SOCS7: variants seen among roughly 807,000 people sequenced by gnomAD.
The protein encoded by SOCS7 is NAP-4.
SOCS7 carries 18 observed loss-of-function variants against 58.9 expected under a neutral mutation model. The observed-to-expected ratio is 0.31, with a 90% CI of 0.21 to 0.45. The LOEUF is 0.45. Ranked by LOEUF, SOCS7 falls within the 20% of genes least tolerant of loss-of-function variation. The probability of loss-of-function intolerance (pLI) is 1.00; values close to 1 mark genes in which losing one functional copy is unlikely to be tolerated. For missense variants in SOCS7, 667 were observed against 837.3 expected, an observed-to-expected ratio of 0.80 and a Z score of 2.51; for synonymous variants, 388 against 364.3, an observed-to-expected ratio of 1.06 and a Z score of -0.74.
At chr17:38,393,385 C>G (rs776609364) in intron 7 of SOCS7, among the ~76,000 whole-genome samples, 4 of 152,094 alleles carry the variant, frequency 2.6e-5, no homozygotes. Flanking sequence ...GCCTATAATC[C>G]CAGCACTTTG....
intron 9 of SOCS7, among the ~76,000 whole-genome samples, chr17:38,397,975 C>A (rs946292273): frequency 6.6e-6 from 1 of 152,126 alleles, no homozygotes; most frequent in African/African-American, 2.4e-5. Context: ...GCATTCTGGG[C>A]AAGGGGACCT....
At position 38,395,921 on chromosome 17, in the gene SOCS7, G is replaced by C. The variant is rs752372086; in HGVS notation, c.1891G>C (p.Ala631Pro). Residue 631 changes from alanine (A) to proline (P), a missense_variant, in exon 9 of 10, where the codon GCG becomes CCG. By Grantham distance (27) the Ala-to-Pro change is conservative. This residue lies in a region of SOCS7 where 40 missense variants were observed against 45.6 expected (regional missense o/e 0.88). Transcript: ENST00000612932. Reference protein sequence around the residue: ...QEEVYLSLKEAQLISKQKQEV... With the variant: ...QEEVYLSLKEPQLISKQKQEV... Reference sequence around the variant, plus strand: ...AGAGGTATACCTGTCTCTAAAGGAAGCGCAGCTCATTTCCAAACAGAAGCA... The same window carrying C: ...AGAGGTATACCTGTCTCTAAAGGAACCGCAGCTCATTTCCAAACAGAAGCA... The C allele has an allele frequency of 3.1e-6, 5 of 1,611,484 alleles. No homozygotes were observed. The highest frequency in any genetic ancestry group is 4.2e-6 in the Non-Finnish European group (5 of 1,179,456).
At chr17:38,367,791 A>G (rs906262104) in intron 5 of SOCS7, 91 bp from the exon 6 acceptor site, 1 of 1,175,412 alleles carries the variant, frequency 8.5e-7, no homozygotes, top group Non-Finnish European at 1.2e-6. Flanking sequence ...GAGAGAATGC[A>G]GAGGGTTCTC....
intron 1 of SOCS7, 131 bp downstream of exon 1, chr17:38,353,163 G>A: frequency 3.6e-6 from 3 of 841,504 alleles, no homozygotes; most frequent in Non-Finnish European, 5.4e-6. Context: ...TGGGACCAAA[G>A]GTGGTAACAT....
chr17:38,370,979 C>A (rs919991086), intron 6 of SOCS7, among the ~76,000 whole-genome samples: 1 of 152,124 alleles, frequency 6.6e-6, no homozygotes, highest in Non-Finnish European at 1.5e-5. Flanking sequence ...GGAAACCTTG[C>A]GGGCCTTTCC....
At chr17:38,356,697 A>G (rs2037643915) in intron 1 of SOCS7, among the ~76,000 whole-genome samples, 1 of 152,026 alleles carries the variant, frequency 6.6e-6, no homozygotes, top group South Asian at 2.1e-4. Context: ...AGAAAGAAAG[A>G]AAGAAAGAAA....
In SOCS7 at chr17:38,401,516, C is replaced by T. The variant is rs760948356; in HGVS notation, c.*2034C>T. 2 of 152,042 alleles carry T rather than the reference C, an allele frequency of 1.3e-5. No individual in the cohort carries two copies. The highest frequency in any genetic ancestry group is 3.4e-3 in the Middle Eastern group (1 of 294). 9.4% of individuals were successfully genotyped at this position (152,042 alleles called of 1,614,324 possible). ...ATATTATTTTTTAGTGTGTGTGTGC[C>T]TGGCTTTGCGCTAGATATTGTAGAA... On this transcript the variant is annotated 3_prime_UTR_variant, in exon 10 of 10. Coordinates refer to ENST00000612932, the MANE Select transcript of SOCS7 (RefSeq NM_014598.4).
intron 6 of SOCS7, among the ~76,000 whole-genome samples, chr17:38,372,413 C>G (rs942649108): frequency 1.6e-4 from 24 of 152,214 alleles, no homozygotes; most frequent in African/African-American, 5.8e-4. Flanking sequence ...ATAAAATTAA[C>G]TGTTACATAC....
intron 7 of SOCS7, among the ~76,000 whole-genome samples, chr17:38,386,344 A>AG (rs2038067936): frequency 6.6e-6 from 1 of 151,064 alleles, no homozygotes; most frequent in Non-Finnish European, 1.5e-5. Flanking sequence ...AAAAAAAAAA[A>AG]AAAATTAGCC....
At chr17:38,353,130 G>A in intron 1 of SOCS7, 98 bp downstream of exon 1, 2 of 1,165,364 alleles carry the variant, frequency 1.7e-6, no homozygotes, top group Non-Finnish European at 2.4e-6. Flanking sequence ...TTAAGATAGG[G>A]TCTTCAGGAG....
chr17:38,385,006 C>T (rs1303134711), intron 7 of SOCS7, among the ~76,000 whole-genome samples: 1 of 150,500 alleles, frequency 6.6e-6, no homozygotes, highest in African/African-American at 2.5e-5. Context: ...GAGCAATTCT[C>T]CTGCCTCAGC....
chr17:38,383,897 T>C (rs907631561), intron 7 of SOCS7, among the ~76,000 whole-genome samples: 2 of 152,278 alleles, frequency 1.3e-5, no homozygotes, highest in Admixed American at 6.5e-5. Context: ...GATGAGATAT[T>C]AGACATACTC....
chr17:38,356,129 G>A (rs1252115559), intron 1 of SOCS7, among the ~76,000 whole-genome samples: 1 of 151,986 alleles, frequency 6.6e-6, no homozygotes, highest in East Asian at 1.9e-4. Context: ...GACCTCAGGT[G>A]ATCTGCCTGC....
At chr17:38,380,228 CTATTAA>C (rs1399693813) in intron 7 of SOCS7, among the ~76,000 whole-genome samples, 44 of 152,234 alleles carry the variant, frequency 2.9e-4, no homozygotes, top group East Asian at 3.9e-4. Flanking sequence ...GTGTTTGCAA[CTATTAA>C]TATTGAGTGC....
rs1400191697 is a variant in SOCS7, at chr17:38,389,897, A to ATATG, written c.1682-5410_1682-5409insTGTA. On this transcript the variant is annotated intron_variant, in intron 7 of 9. Transcript: ENST00000612932. ...TATATATATATGTACATATATATAT[A>ATATG]TACACATATAGAGAGAGAGAGAGAG... Among the ~76,000 whole-genome samples the ATATG allele has an allele frequency of 8.9e-4, 69 of 77,360 alleles. 1 individual carries two copies. The highest frequency in any genetic ancestry group is 5.2e-3 in the African/African-American group (65 of 12,584). 50.8% of individuals were successfully genotyped at this position (77,360 alleles called of 152,430 possible). A position where few individuals can be genotyped will look rare whatever the true frequency, so the allele number is the denominator to read the frequency against.
intron 7 of SOCS7, among the ~76,000 whole-genome samples, chr17:38,379,359 A>T (rs961550015): frequency 2.0e-5 from 3 of 151,500 alleles, no homozygotes; most frequent in African/African-American, 7.3e-5. Flanking sequence ...GTGCCTTGTA[A>T]TCCCAGCTAC....
intron 6 of SOCS7, among the ~76,000 whole-genome samples, chr17:38,376,729 C>T (rs989339110): frequency 2.2e-4 from 32 of 146,790 alleles, no homozygotes; most frequent in Middle Eastern, 6.9e-3. Flanking sequence ...AAGACCCTGT[C>T]GCAAAAAAAA....
In SOCS7 at chr17:38,401,812, A is replaced by G. The variant is rs1479691253; in HGVS notation, c.*2330A>G. The G allele has an allele frequency of 6.6e-6, 1 of 152,252 alleles. No homozygotes were observed. The highest frequency in any genetic ancestry group is 1.5e-5 in the Non-Finnish European group (1 of 68,084). 9.4% of individuals were successfully genotyped at this position (152,252 alleles called of 1,614,324 possible). The stretch of plus-strand genomic sequence containing the variant: ...CAGTGCACAGCCCTGTTAGAGCAAC[A>G]TGGTTAAAGAATCCTTTCCAGTGCG... On this transcript the variant is annotated 3_prime_UTR_variant, in exon 10 of 10. Coordinates refer to ENST00000612932, the MANE Select transcript of SOCS7 (RefSeq NM_014598.4).
At position 38,381,282 on chromosome 17, in the gene SOCS7, A is replaced by G. The variant is rs1339634996; in HGVS notation, c.1681+3440A>G. Among the ~76,000 whole-genome samples the G allele has an allele frequency of 4.6e-5, 7 of 152,084 alleles. No individual in the cohort carries two copies. The East Asian group carries it at 1.3e-3, about 29-fold the overall frequency. ...GGCCAAAGAAGACAAAGCCTTTACC[A>G]CTGTTTGCTGCCCTCTTTTGCTTAT... is the stretch of plus-strand genomic sequence containing the variant. On this transcript the variant is annotated intron_variant, in intron 7 of 9. Transcript: ENST00000612932.
Sources: gnomAD v4.1 joint callset for allele counts (sites outside exome capture counted in the v4.1 genomes callset) on GRCh38, gnomAD v4.1.1 for gene constraint, gnomAD v4.1.1 regional missense constraint, MANE v1.5 for transcripts, NCBI Gene and HGNC (gene_info 2026-07-23, HGNC 2026-07-21) for gene names.